MYH4: variants seen among roughly 807,000 people sequenced by gnomAD.
MYH4 encodes the protein myosin-4.
A neutral mutation model predicts 229.9 loss-of-function variants in MYH4; 200 were observed. That is an observed-to-expected ratio of 0.87 (90% CI 0.78 to 0.98). MYH4 has a LOEUF of 0.98. MYH4 is among the 50% of genes least tolerant of loss of function. MYH4 has a pLI of 0.00. For missense variants in MYH4, 2,148 were observed against 2,332.6 expected (o/e 0.92, Z 1.63); for synonymous variants, 761 against 834.6 (o/e 0.91, Z 1.52).
chr17:10,462,023 A>G (rs888418486), intron 11 of MYH4, among the ~76,000 whole-genome samples: 2 of 152,302 alleles, frequency 1.3e-5, no homozygotes, highest in South Asian at 2.1e-4. Context: ...ACATACAAAG[A>G]TAATAATAAG....
intron 21 of MYH4, 54 bp from the exon 22 acceptor site, chr17:10,454,864 C>A (rs1169703661): frequency 1.9e-6 from 3 of 1,609,874 alleles, no homozygotes; most frequent in Admixed American, 1.7e-5. Flanking sequence ...AAGTGATCAT[C>A]ACTCAACAAA....
downstream of MYH4, chr17:10,443,273 C>A: frequency 4.7e-6 from 6 of 1,285,554 alleles, no homozygotes; most frequent in Non-Finnish European, 6.5e-6. This position sits in a 1 kb window ranked among gnomAD's most constrained non-coding sequence, Gnocchi z 4.6. Context: ...TTTTTAGATG[C>A]AAAATTATCT....
chr17:10,466,192 G>A, intron 4 of MYH4, 81 bp downstream of exon 4: 24 of 1,499,804 alleles, frequency 1.6e-5, no homozygotes, highest in Non-Finnish European at 2.1e-5. Context: ...ATAGCCAAAT[G>A]TATTGAAACC....
At chr17:10,448,277 A>C in intron 33 of MYH4, 119 bp downstream of exon 33, 2 of 1,336,608 alleles carry the variant, frequency 1.5e-6, no homozygotes, top group South Asian at 1.5e-5. Context: ...GGTACAATTC[A>C]GTATTTTTCA....
In MYH4 at chr17:10,466,631, A is replaced by G; in HGVS notation, c.115T>C (p.Phe39Leu). 6.2e-7 allele frequency: 1 copy of G among 1,614,104 alleles called. No individual in the cohort carries two copies. Among genetic ancestry groups the G allele is most frequent in the Non-Finnish European group, 8.5e-7 (1 of 1,180,030 alleles). The change falls in exon 3 of 40, where the codon TTT becomes CTT. Residue 39 changes from phenylalanine (F) to leucine (L), a missense_variant. Transcript: ENST00000255381. Reference protein sequence around the residue: ...NKPFDAKTSVFVVDPKESYVK... With the variant: ...NKPFDAKTSVLVVDPKESYVK... ...TAGGACTCCTTAGGGTCCACCACAA[A>G]GACTGATGTCTTGGCATCAAAAGGC... is the stretch of plus-strand genomic sequence containing the variant.
intron 27 of MYH4, 129 bp downstream of exon 27, chr17:10,451,812 A>T: frequency 8.6e-7 from 1 of 1,163,826 alleles, no homozygotes; most frequent in Non-Finnish European, 1.2e-6. Flanking sequence ...AATAATGTGT[A>T]CTAGGAGTAA....
rs2072530735 is a variant in MYH4 at position 10,448,023 on chromosome 17, A to T, written c.4760T>A (p.Leu1587His). ...DRKIAEKDEE[L>H]DQLKRNHLRV... ...GAGATGGTTCCTCTTTAGCTGATCGAGTTCTTCATCTTTTTCAGCAATTTT... is the reference window on the plus strand; with the variant it reads ...GAGATGGTTCCTCTTTAGCTGATCGTGTTCTTCATCTTTTTCAGCAATTTT... Residue 1587 changes from leucine to histidine, a missense_variant, in exon 34 of 40, where the codon CTC becomes CAC. By Grantham distance (99) the Leu-to-His change is moderately conservative. Coordinates refer to ENST00000255381, the MANE Select transcript of MYH4 (RefSeq NM_017533.2). The T allele has an allele frequency of 1.2e-6, 2 of 1,613,960 alleles. No individual in the cohort carries two copies. The highest frequency in any genetic ancestry group is 1.3e-5 in the African/African-American group (1 of 74,976).
chr17:10,468,262 A>G (rs1325495354), intron 2 of MYH4, among the ~76,000 whole-genome samples: 1 of 152,216 alleles, frequency 6.6e-6, no homozygotes, highest in Non-Finnish European at 1.5e-5. Context: ...AATGCAGTGT[A>G]TCCAGGAAAC....
chr17:10,467,463 T>C (rs897600576), intron 2 of MYH4, among the ~76,000 whole-genome samples: 9 of 152,188 alleles, frequency 5.9e-5, no homozygotes, highest in Non-Finnish European at 1.2e-4. Context: ...AAAATTAAAA[T>C]CTCCTTTATT....
rs1178876806 is a variant in MYH4, at chr17:10,448,469, T to C, written c.4583A>G (p.His1528Arg). 2 of 1,613,912 alleles carry C rather than the reference T, an allele frequency of 1.2e-6. No homozygotes were observed. The highest frequency in any genetic ancestry group is 2.7e-5 in the African/African-American group (2 of 74,944). The part of the protein sequence containing the change: ...EQIAEGGKHI[H>R]ELEKVKKQLD... ...TTGTTTCTTTACTTTCTCCAGTTCA[T>C]GGATATGCTTTCCACCCTCTGCAAT... The change falls in exon 33 of 40, where the codon CAT (histidine) becomes CGT (arginine). Residue 1528 changes from histidine (H) to arginine (R), a missense_variant. Coordinates refer to ENST00000255381, the MANE Select transcript of MYH4 (RefSeq NM_017533.2).
Position 10,444,688 on chromosome 17 carries a change from G to T in MYH4, c.5583C>A (p.Asp1861Glu). Residue 1861 changes from aspartate (D) to glutamate (E), a missense_variant, in exon 39 of 40, where the codon GAC becomes GAA. Coordinates refer to ENST00000255381, the MANE Select transcript of MYH4 (RefSeq NM_017533.2). The stretch of plus-strand genomic sequence containing the variant: ...CCTGCAGCCTGAGAATATTCTTGCG[G>T]TCCTCCTCAGTCTGAAAGAGGTGCA... The part of the protein sequence containing the change: ...VKELTYQTEE[D>E]RKNILRLQDL... The T allele has an allele frequency of 6.2e-7, 1 of 1,613,786 alleles. No homozygotes were observed. The highest frequency in any genetic ancestry group is 1.3e-5 in the African/African-American group (1 of 74,958).
chr17:10,455,714 G>A lies in MYH4; in HGVS notation c.2074C>T (p.Leu692Phe), dbSNP rs2072631455. 2 of 1,614,154 alleles carry A rather than the reference G, an allele frequency of 1.2e-6. No individual in the cohort carries two copies. The highest frequency in any genetic ancestry group is 2.2e-5 in the East Asian group (1 of 44,872). Residue 692 changes from leucine to phenylalanine, a missense_variant, in exon 19 of 40, where the codon CTT becomes TTT. Physicochemically the swap from Leu to Phe is conservative, Grantham distance 22 (BLOSUM62 0). Coordinates refer to ENST00000255381, the MANE Select transcript of MYH4 (RefSeq NM_017533.2). ...TKTPGAMEHE[L>F]VLHQLRCNGV... ...TTACACCTCAGCTGATGCAGGACAA[G>A]CTCATGCTCCATGGCACCTAAGAGA... is the stretch of plus-strand genomic sequence containing the variant.
Position 10,455,048 on chromosome 17 carries a change from A to G in MYH4, c.2328T>C (p.Thr776=). ...KVFFKAGLLG[T]LEEMRDEKLA... Reference sequence around the variant, plus strand: ...GCTTTTCATCTCGCATTTCCTCTAGAGTTCCCAGCAGGCCAGCTTTGAAGA... The same window carrying G: ...GCTTTTCATCTCGCATTTCCTCTAGGGTTCCCAGCAGGCCAGCTTTGAAGA... The change falls in exon 21 of 40, where the codon ACT becomes ACC. Residue 776 remains threonine (T), a synonymous_variant. Transcript: ENST00000255381. 1 of 1,614,194 alleles carries G rather than the reference A, an allele frequency of 6.2e-7. No homozygotes were observed. Among genetic ancestry groups the G allele is most frequent in the Non-Finnish European group, 8.5e-7 (1 of 1,180,044 alleles).
intron 2 of MYH4, among the ~76,000 whole-genome samples, chr17:10,467,333 A>G (rs1208463735): frequency 6.6e-6 from 1 of 152,272 alleles, no homozygotes; most frequent in Non-Finnish European, 1.5e-5. Flanking sequence ...CTTTCCGGAC[A>G]TAAGTCCAGA....
chr17:10,455,414 T>G, intron 19 of MYH4, 119 bp from the exon 20 acceptor site: 1 of 1,327,506 alleles, frequency 7.5e-7, no homozygotes, highest in Non-Finnish European at 1.0e-6. Flanking sequence ...AAATGCCATT[T>G]AAAAAGTCAG....
At chr17:10,453,941 A>AT (rs1410696311) in intron 22 of MYH4, 56 bp from the exon 23 acceptor site, 2 of 1,593,036 alleles carry the variant, frequency 1.3e-6, no homozygotes, top group Non-Finnish European at 1.7e-6. Flanking sequence ...TAAGCACACA[A>AT]TAATTTATTA....
Position 10,455,176 on chromosome 17 carries a change from G to C in MYH4, c.2294C>G (p.Thr765Ser). 6.2e-7 allele frequency: 1 copy of C among 1,614,116 alleles called. No individual in the cohort carries two copies. The highest frequency in any genetic ancestry group is 2.2e-5 in the East Asian group (1 of 44,878). The stretch of plus-strand genomic sequence containing the variant: ...AGAAATTTGGACTGGTGATACCTTG[G>C]TATGACCGAATTTGTACTGGGTGTG... ...IDHTQYKFGH[T>S]KVFFKAGLLG... is the part of the protein sequence containing the mutation. Residue 765 changes from threonine (T) to serine (S), a missense_variant, in exon 20 of 40, where the codon ACC becomes AGC. Thr to Ser is a moderately conservative substitution (Grantham distance 58, BLOSUM62 1). Coordinates refer to ENST00000255381, the MANE Select transcript of MYH4 (RefSeq NM_017533.2).
Position 10,455,278 on chromosome 17 carries a change from G to T in MYH4, c.2192C>A (p.Ala731Glu), listed in dbSNP as rs370294449. The change falls in exon 20 of 40, where the codon GCG (alanine) becomes GAG (glutamate). Residue 731 changes from alanine (A) to glutamate (E), a missense_variant. Physicochemically the swap from Ala to Glu is moderately radical, Grantham distance 107. Transcript: ENST00000255381. ...GAACTGACCCTCTGGGATAGCACTC[G>T]CATTTAGAACCTTGTATCTGTCAGA... is the stretch of plus-strand genomic sequence containing the variant. ...DFKQRYKVLN[A>E]SAIPEGQFID... 1.2e-6 allele frequency: 2 copies of T among 1,613,576 alleles called. No individual in the cohort carries two copies. Among genetic ancestry groups the T allele is most frequent in the Non-Finnish European group, 1.7e-6 (2 of 1,179,660 alleles).
At position 10,448,085 on chromosome 17, in the gene MYH4, T is replaced by G; in HGVS notation, c.4698A>C (p.Gln1566His). ...CAGATTTCACCTGATTTAGCTCAAG[T>G]TGAATGCGAAGAATTTTGCCTTCTT... ...EHEEGKILRIQLELNQVKSEI... is the reference protein window; with the variant it reads ...EHEEGKILRIHLELNQVKSEI... Residue 1566 changes from glutamine (Q) to histidine (H), a missense_variant, in exon 34 of 40, where the codon CAA (glutamine) becomes CAC (histidine). Coordinates refer to ENST00000255381, the MANE Select transcript of MYH4 (RefSeq NM_017533.2). 1 of 1,613,878 alleles carries G rather than the reference T, an allele frequency of 6.2e-7. No homozygotes were observed. Among genetic ancestry groups the G allele is most frequent in the Non-Finnish European group, 8.5e-7 (1 of 1,179,942 alleles).
Sources: allele counts gnomAD v4.1 joint callset (sites outside exome capture counted in the v4.1 genomes callset), GRCh38; gene constraint gnomAD v4.1.1; non-coding constraint Gnocchi (gnomAD v3.1); transcripts MANE v1.5; gene names NCBI Gene and HGNC (gene_info 2026-07-23, HGNC 2026-07-21).